Variants in BCAS3 observed in about 807,000 individuals in gnomAD.
The protein encoded by BCAS3 is BCAS4/BCAS3 fusion.
In BCAS3, 53 loss-of-function variants were observed where a neutral mutation model predicts 116.1. The observed-to-expected ratio is 0.46, with a 90% CI of 0.37 to 0.57. The LOEUF (loss-of-function observed/expected upper bound fraction) is 0.57, where lower values mean the gene tolerates loss of function less well. BCAS3 is among the 20% of genes least tolerant of loss of function. The pLI is 0.00. For synonymous variants in BCAS3, 391 were observed against 408.2 expected (o/e 0.96, Z 0.51); for missense variants, 917 against 1,165.4 (o/e 0.79, Z 3.10).
intron 22 of BCAS3, among the ~76,000 whole-genome samples, chr17:61,165,466 G>A (rs1330362502): frequency 6.6e-6 from 1 of 152,218 alleles, no homozygotes; most frequent in Non-Finnish European, 1.5e-5. Context: ...GGGAGGCTGA[G>A]GCGAGTGCAT....
At chr17:61,052,244 A>G in intron 19 of BCAS3, among the ~76,000 whole-genome samples, 1 of 151,390 alleles carries the variant, frequency 6.6e-6, no homozygotes, top group East Asian at 1.9e-4. Context: ...TCTTATTCTT[A>G]TTTTCCTCTC....
rs377175809 is a variant in BCAS3 at position 61,380,615 on chromosome 17, G to A, written c.2594-11362G>A. 320 of 1,570,074 alleles carry A rather than the reference G, an allele frequency of 2.0e-4. No individual in the cohort carries two copies. Among genetic ancestry groups the A allele is most frequent in the Non-Finnish European group, 2.7e-4 (307 of 1,155,998 alleles). ...TTGCCTATGTGGAAGGGGTTGTCCC[G>A]TTGCTTCTTTTGTCCCTCAAGAGGG... On this transcript the variant is annotated intron_variant, in intron 23 of 23. Coordinates refer to ENST00000407086, the MANE Select transcript of BCAS3 (RefSeq NM_017679.5). The surrounding 1 kb of genome is among the most constrained non-coding windows in gnomAD (Gnocchi z 4.2).
rs1267916243 is a variant in BCAS3, at chr17:61,217,117, T to TA, written c.2425+132560dup. Among the ~76,000 whole-genome samples the TA allele has an allele frequency of 1.3e-5, 2 of 151,324 alleles. No homozygotes were observed. The highest frequency in any genetic ancestry group is 6.6e-5 in the Admixed American group (1 of 15,198). On this transcript the variant is annotated intron_variant, in intron 22 of 23. Transcript: ENST00000407086. This position sits in a 1 kb window ranked among gnomAD's most constrained non-coding sequence, Gnocchi z 5.2. ...TAACACGGTGAAACCCCGTCTCTAC[T>TA]AAAAAAATACAAAAAATTAGCTGGG...
At chr17:61,253,356 A>AATAT (rs145698396) in intron 22 of BCAS3, among the ~76,000 whole-genome samples, 1 of 149,166 alleles carries the variant, frequency 6.7e-6, no homozygotes, top group African/African-American at 2.4e-5. Context: ...AGTTGGAGAG[A>AATAT]ATATATATAT....
intron 15 of BCAS3, 106 bp from the exon 16 acceptor site, chr17:61,015,645 C>A: frequency 9.0e-7 from 1 of 1,110,844 alleles, no homozygotes; most frequent in Non-Finnish European, 1.3e-6. Context: ...ACCTTTGATG[C>A]CTTTCTTAAA....
At chr17:60,881,232 C>T (rs1008957624) in intron 9 of BCAS3, among the ~76,000 whole-genome samples, 5 of 152,138 alleles carry the variant, frequency 3.3e-5, no homozygotes, top group African/African-American at 1.2e-4. Flanking sequence ...CCTCGGCCTC[C>T]CAAAGTGCTG....
intron 19 of BCAS3, among the ~76,000 whole-genome samples, chr17:61,064,102 T>G (rs2070357114): frequency 6.6e-6 from 1 of 152,182 alleles, no homozygotes; most frequent in South Asian, 2.1e-4. Context: ...TTGCAAGTGC[T>G]TTGAGAGGAT....
At position 60,964,784 on chromosome 17, in the gene BCAS3, C is replaced by T. The variant is rs531391281; in HGVS notation, c.1221+17432C>T. Among the ~76,000 whole-genome samples, 127 of 152,132 alleles carry T rather than the reference C, an allele frequency of 8.3e-4. No individual in the cohort carries two copies. The highest frequency in any genetic ancestry group is 1.9e-3 in the South Asian group (9 of 4,814). ...TTCAATCTTGGAGGTTGTATGTTTC[C>T]AGAAATTTATCCATTTCTTCTAGGT... On this transcript the variant is annotated intron_variant, in intron 14 of 23. Transcript: ENST00000407086. The surrounding 1 kb of genome is among the most constrained non-coding windows in gnomAD (Gnocchi z 4.6).
At chr17:61,044,214 A>G (rs934411181) in intron 19 of BCAS3, among the ~76,000 whole-genome samples, 1 of 151,824 alleles carries the variant, frequency 6.6e-6, no homozygotes, top group Non-Finnish European at 1.5e-5. Context: ...TTCGGAGACC[A>G]AGGCCGGCAG....
chr17:60,807,921 A>C, intron 6 of BCAS3, 83 bp from the exon 7 acceptor site: 1 of 955,736 alleles, frequency 1.0e-6, no homozygotes, highest in Non-Finnish European at 1.6e-6. Flanking sequence ...TCTCCTTTTC[A>C]AGTATTTTGA....
intron 19 of BCAS3, among the ~76,000 whole-genome samples, chr17:61,054,648 A>G (rs1017619752): frequency 1.3e-5 from 2 of 152,336 alleles, no homozygotes; most frequent in Middle Eastern, 3.4e-3. Flanking sequence ...TGCTTGGACT[A>G]CAGGCATGAG....
chr17:61,192,227 C>T (rs927056251), intron 22 of BCAS3, among the ~76,000 whole-genome samples: 2 of 81,646 alleles, frequency 2.4e-5, no homozygotes, highest in African/African-American at 7.5e-5. Context: ...GCCTGGGCGA[C>T]AGAGCAAGGC....
intron 7 of BCAS3, among the ~76,000 whole-genome samples, chr17:60,822,991 C>G (rs1412487445): frequency 6.6e-6 from 1 of 152,096 alleles, no homozygotes; most frequent in African/African-American, 2.4e-5. Flanking sequence ...TGAATGAGCC[C>G]AGGAGAGAAA....
At chr17:60,712,186 A>ACAAAAACAAAAC in intron 5 of BCAS3, among the ~76,000 whole-genome samples, 1 of 150,162 alleles carries the variant, frequency 6.7e-6, no homozygotes, top group African/African-American at 2.5e-5. Context: ...AAAAACAAAA[A>ACAAAAACAAAAC]CACATAGTGA....
chr17:61,257,130 G>A (rs554580771), intron 22 of BCAS3, among the ~76,000 whole-genome samples: 1 of 152,060 alleles, frequency 6.6e-6, no homozygotes, highest in Non-Finnish European at 1.5e-5. Flanking sequence ...TGCTAATAAA[G>A]GGCAGAACTG....
intron 7 of BCAS3, among the ~76,000 whole-genome samples, chr17:60,830,782 A>T (rs888977560): frequency 1.3e-5 from 2 of 151,250 alleles, no homozygotes; most frequent in Admixed American, 1.3e-4. Context: ...TTAAAAATAA[A>T]TTTTCTGGCT....
At chr17:61,223,809 G>A (rs1258365508) in intron 22 of BCAS3, among the ~76,000 whole-genome samples, 29 of 152,204 alleles carry the variant, frequency 1.9e-4, no homozygotes, top group Admixed American at 1.9e-3. Context: ...CTTTGATGAG[G>A]TGGCCATTTA....
In BCAS3 at chr17:61,220,230, G is replaced by T. The variant is rs917681710; in HGVS notation, c.2425+135666G>T. Among the ~76,000 whole-genome samples the T allele has an allele frequency of 5.3e-5, 8 of 152,280 alleles. No homozygotes were observed. Among genetic ancestry groups the T allele is most frequent in the East Asian group, 1.9e-4 (1 of 5,176 alleles). ...AGTCGCTTGAATCTGGGAGGCAGAG[G>T]TTGCAGTGAGCCAAGATTGTGCCAC... On this transcript the variant is annotated intron_variant, in intron 22 of 23. Transcript: ENST00000407086. This position sits in a 1 kb window ranked among gnomAD's most constrained non-coding sequence, Gnocchi z 4.5.
rs934159124 is a variant in BCAS3 at position 61,244,182 on chromosome 17, C to T, written c.2426-124145C>T. 1.5e-4 allele frequency among the ~76,000 whole-genome samples: 23 copies of T among 152,164 alleles called. No individual in the cohort carries two copies. Among genetic ancestry groups the T allele is most frequent in the African/African-American group, 4.8e-4 (20 of 41,512 alleles). On this transcript the variant is annotated intron_variant, in intron 22 of 23. Transcript: ENST00000407086. The surrounding 1 kb of genome is among the most constrained non-coding windows in gnomAD (Gnocchi z 4.9). Reference sequence around the variant, plus strand: ...ATTATTTAAAAAGCTTAAGAAAAAACAGAAGAAAAAAGAAAACTAAAATCA... The same window carrying T: ...ATTATTTAAAAAGCTTAAGAAAAAATAGAAGAAAAAAGAAAACTAAAATCA...
Sources: gnomAD v4.1 joint callset for allele counts (sites outside exome capture counted in the v4.1 genomes callset) on GRCh38, gnomAD v4.1.1 for gene constraint, Gnocchi (gnomAD v3.1) non-coding constraint, MANE v1.5 for transcripts, NCBI Gene and HGNC (gene_info 2026-07-23, HGNC 2026-07-21) for gene names.